The following TMEM114 variants were observed in gnomAD, a reference collection of about 807,000 sequenced individuals.
The protein encoded by TMEM114 is claudin-26.
TMEM114 carries 6 observed loss-of-function variants against 6.2 expected under a neutral mutation model. That is an observed-to-expected ratio of 0.97 (90% CI 0.53 to 1.91). The LOEUF is 1.91. TMEM114 is among the 40% of genes most tolerant of loss of function. The pLI is 0.01. For synonymous variants in TMEM114, 104 were observed against 73.0 expected, an observed-to-expected ratio of 1.42 and a Z score of -2.16; for missense variants, 218 against 158.3, an observed-to-expected ratio of 1.38 and a Z score of -2.02.
At chr16:8,549,104 C>A (rs1234719461) in intron 2 of TMEM114, among the ~76,000 whole-genome samples, 3 of 150,332 alleles carry the variant, frequency 2.0e-5, no homozygotes, top group African/African-American at 7.4e-5. Context: ...ATGGCGTGAA[C>A]CCTGGAGGTG....
chr16:8,555,946 A>T (rs13333238), intron 2 of TMEM114, among the ~76,000 whole-genome samples: 1 of 151,768 alleles, frequency 6.6e-6, no homozygotes, highest in Non-Finnish European at 1.5e-5. Flanking sequence ...GGACGTGTCC[A>T]TCTTGGATGT....
chr16:8,563,391 G>C (rs541400496), intron 2 of TMEM114, among the ~76,000 whole-genome samples: 66 of 148,398 alleles, frequency 4.4e-4, no homozygotes, highest in Middle Eastern at 3.5e-3. Flanking sequence ...ATGAGTGAGT[G>C]AATGAGTAAA....
chr16:8,584,189 T>A (rs1596314738), intron 2 of TMEM114, among the ~76,000 whole-genome samples: 1 of 152,370 alleles, frequency 6.6e-6, no homozygotes, highest in South Asian at 2.1e-4. Flanking sequence ...TAACAGTGGA[T>A]TCCAGCAGAC....
At chr16:8,572,319 G>A (rs1165056599) in intron 2 of TMEM114, 95 bp from the exon 3 acceptor site, 3 of 1,376,256 alleles carry the variant, frequency 2.2e-6, no homozygotes, top group African/African-American at 2.9e-5. Context: ...TAGAGCTGGG[G>A]AAAATCCACA....
intron 2 of TMEM114, among the ~76,000 whole-genome samples, chr16:8,580,909 C>G (rs1269875807): frequency 1.3e-5 from 2 of 152,140 alleles, no homozygotes; most frequent in Non-Finnish European, 2.9e-5. Flanking sequence ...CCAGACTGGT[C>G]TAGAACTCCT....
At chr16:8,548,177 G>A (rs1424345067) in intron 2 of TMEM114, among the ~76,000 whole-genome samples, 1 of 152,102 alleles carries the variant, frequency 6.6e-6, no homozygotes, top group Non-Finnish European at 1.5e-5. Context: ...TTAACGGTGG[G>A]ACCCTGACTG....
downstream of TMEM114, among the ~76,000 whole-genome samples, chr16:8,565,002 T>C (rs1901487914): frequency 6.6e-6 from 1 of 151,854 alleles, no homozygotes; most frequent in Non-Finnish European, 1.5e-5. Flanking sequence ...AATGAGTAAA[T>C]AAGTGACTGA....
intron 2 of TMEM114, among the ~76,000 whole-genome samples, chr16:8,552,508 GCACACA>G (rs1555462391): frequency 1.4e-5 from 2 of 146,534 alleles, no homozygotes; most frequent in Admixed American, 6.8e-5. Context: ...GCACAAAACT[GCACACA>G]CACACACACA....
At chr16:8,557,513 A>C (rs971681212) in intron 2 of TMEM114, among the ~76,000 whole-genome samples, 1 of 152,198 alleles carries the variant, frequency 6.6e-6, no homozygotes, top group Non-Finnish European at 1.5e-5. Flanking sequence ...GTCCTTCTGC[A>C]ATTCCCAACT....
intron 2 of TMEM114, among the ~76,000 whole-genome samples, chr16:8,554,592 G>T (rs1285650734): frequency 2.0e-5 from 3 of 152,138 alleles, no homozygotes. Context: ...GCTCCCCACG[G>T]ACAGTGTCTG....
chr16:8,539,447 AC>A (rs1472757458), intron 2 of TMEM114, among the ~76,000 whole-genome samples: 1 of 152,050 alleles, frequency 6.6e-6, no homozygotes, highest in East Asian at 1.9e-4. Flanking sequence ...CCCTCATCAG[AC>A]CCAGAGGAGG....
chr16:8,543,171 C>T (rs975406315), intron 2 of TMEM114, among the ~76,000 whole-genome samples: 3 of 152,316 alleles, frequency 2.0e-5, no homozygotes, highest in African/African-American at 7.2e-5. Flanking sequence ...TAGGATCAGA[C>T]AGACTGACTA....
chr16:8,544,945 C>G, intron 2 of TMEM114, among the ~76,000 whole-genome samples: 1 of 124,702 alleles, frequency 8.0e-6, no homozygotes, highest in Non-Finnish European at 1.7e-5. Flanking sequence ...TCTCTCTCCA[C>G]CTCCCCCCAA....
At position 8,569,864 on chromosome 16, in the gene TMEM114, A is replaced by G. The variant is rs1412165911; in HGVS notation, c.581T>C (p.Ile194Thr). The G allele has an allele frequency of 3.9e-6, 6 of 1,551,090 alleles. No individual in the cohort carries two copies. Among genetic ancestry groups the G allele is most frequent in the Non-Finnish European group, 5.2e-6 (6 of 1,146,942 alleles). Reference sequence around the variant, plus strand: ...GGTGAGCAGCTCGGCGATGAAGCTGATCCAGCCCAGGGCCAGGGACCAGCC... The same window carrying G: ...GGTGAGCAGCTCGGCGATGAAGCTGGTCCAGCCCAGGGCCAGGGACCAGCC... ...SFGWSLALGW[I>T]SFIAELLTGA... The change falls in exon 4 of 4, where the codon ATC (isoleucine) becomes ACC (threonine). Residue 194 changes from isoleucine (I) to threonine (T), a missense_variant. Physicochemically the swap from Ile to Thr is moderately conservative, Grantham distance 89. Coordinates refer to ENST00000620492, the MANE Select transcript of TMEM114 (RefSeq NM_001146336.2).
At chr16:8,561,185 C>T (rs1273279311) in intron 2 of TMEM114, among the ~76,000 whole-genome samples, 1 of 152,232 alleles carries the variant, frequency 6.6e-6, no homozygotes, top group Admixed American at 6.5e-5. Context: ...ACTGGGTTTT[C>T]AGTCTACTCC....
rs79085812 is a variant in TMEM114 at position 8,575,453 on chromosome 16, A to G, written c.302-3229T>C. Reference sequence around the variant, plus strand: ...TGAGAATCAAACAATCATCAACTGTATTAAATTATCTACCATGACCATAGG... The same window carrying G: ...TGAGAATCAAACAATCATCAACTGTGTTAAATTATCTACCATGACCATAGG... On this transcript the variant is annotated intron_variant, in intron 2 of 3. Coordinates refer to ENST00000620492, the MANE Select transcript of TMEM114 (RefSeq NM_001146336.2). Among the ~76,000 whole-genome samples, 11 of 152,350 alleles carry G rather than the reference A, an allele frequency of 7.2e-5. No individual in the cohort carries two copies. The East Asian group carries it at 1.3e-3, about 19-fold the overall frequency.
At chr16:8,563,893 GTGAA>G (rs1901400188) in intron 2 of TMEM114, among the ~76,000 whole-genome samples, 1 of 149,964 alleles carries the variant, frequency 6.7e-6, no homozygotes, top group Non-Finnish European at 1.5e-5. Context: ...GAATTAGTGA[GTGAA>G]TGAATGAGTG....
intron 2 of TMEM114, among the ~76,000 whole-genome samples, chr16:8,557,704 C>T (rs1372861313): frequency 6.6e-6 from 1 of 152,214 alleles, no homozygotes; most frequent in Non-Finnish European, 1.5e-5. Flanking sequence ...TTATTTCCTG[C>T]CTCTGAGCCT....
downstream of TMEM114, among the ~76,000 whole-genome samples, chr16:8,568,636 A>G (rs1387853376): frequency 6.6e-6 from 1 of 152,208 alleles, no homozygotes; most frequent in Non-Finnish European, 1.5e-5. Flanking sequence ...TCATCTTTTA[A>G]TCCACACCAG....
Sources: allele counts gnomAD v4.1 joint callset (sites outside exome capture counted in the v4.1 genomes callset), GRCh38; gene constraint gnomAD v4.1.1; transcripts MANE v1.5; gene names NCBI Gene and HGNC (gene_info 2026-07-23, HGNC 2026-07-21).